PDE1C: variants seen among roughly 807,000 people sequenced by gnomAD.
The protein encoded by PDE1C is dual specificity calcium/calmodulin-dependent 3',5'-cyclic nucleotide phosphodiesterase 1C.
A neutral mutation model predicts 93.1 loss-of-function variants in PDE1C; 62 were observed. The ratio of observed to expected loss-of-function variants is 0.67; its 90% CI spans 0.54 to 0.82. The LOEUF (loss-of-function observed/expected upper bound fraction) is 0.82, where lower values mean the gene tolerates loss of function less well. PDE1C is among the 40% of genes least tolerant of loss of function. The pLI is 0.00. For synonymous variants in PDE1C, 325 were observed against 310.1 expected (o/e 1.05, Z -0.50); for missense variants, 742 against 884.6 (o/e 0.84, Z 2.04).
chr7:32,158,287 C>T (rs913266774), intron 3 of PDE1C, among the ~76,000 whole-genome samples: 5 of 152,094 alleles, frequency 3.3e-5, no homozygotes, highest in East Asian at 1.9e-4. Context: ...CCTCGTTGCC[C>T]GAGCCAGAGT....
chr7:31,655,275 G>C, the PDE1C span, among the ~76,000 whole-genome samples: 1 of 152,090 alleles, frequency 6.6e-6, no homozygotes, highest in African/African-American at 2.4e-5. Context: ...AGTGTGCATG[G>C]TCTCCTGCCC....
chr7:31,738,139 A>G, the PDE1C span, among the ~76,000 whole-genome samples: 2 of 152,182 alleles, frequency 1.3e-5, no homozygotes, highest in Admixed American at 6.5e-5. Context: ...CTAGCAGGCC[A>G]GTGCGAGACC....
chr7:31,836,698 C>G (rs559410730), intron 11 of PDE1C, among the ~76,000 whole-genome samples: 42 of 152,260 alleles, frequency 2.8e-4, no homozygotes, highest in Non-Finnish European at 5.6e-4. Context: ...TTAAATACAA[C>G]TGGAATGGCA....
intron 1 of PDE1C, among the ~76,000 whole-genome samples, chr7:32,211,579 A>AT: frequency 6.9e-6 from 1 of 145,284 alleles, no homozygotes; most frequent in East Asian, 2.0e-4. Flanking sequence ...TTATCTTATA[A>AT]TAAAAAAAAA....
intron 2 of PDE1C, among the ~76,000 whole-genome samples, chr7:32,037,268 G>T (rs957402728): frequency 6.6e-6 from 1 of 152,126 alleles, no homozygotes; most frequent in Non-Finnish European, 1.5e-5. Flanking sequence ...ATGTTCTCAA[G>T]TAGAGAAAGG....
At chr7:31,832,023 A>T (rs1583515057) in intron 11 of PDE1C, among the ~76,000 whole-genome samples, 1 of 152,106 alleles carries the variant, frequency 6.6e-6, no homozygotes, top group Non-Finnish European at 1.5e-5. Context: ...AGGGAAGAAA[A>T]CTAGAACTAT....
the PDE1C span, among the ~76,000 whole-genome samples, chr7:31,662,613 G>A: frequency 6.6e-6 from 1 of 152,186 alleles, no homozygotes; most frequent in Non-Finnish European, 1.5e-5. Flanking sequence ...AGACGTATGT[G>A]ACTGTGTTTG....
chr7:32,068,058 G>C (rs550745445), intron 1 of PDE1C, among the ~76,000 whole-genome samples: 27 of 152,322 alleles, frequency 1.8e-4, no homozygotes, highest in African/African-American at 6.5e-4. Flanking sequence ...CCTGAAGTGA[G>C]ATGTCTCTCA....
intron 1 of PDE1C, among the ~76,000 whole-genome samples, chr7:32,291,435 T>C: frequency 6.6e-6 from 1 of 152,346 alleles, no homozygotes; most frequent in East Asian, 1.9e-4. Flanking sequence ...CTGCAGGCAC[T>C]CAGAAACACT....
At chr7:32,292,889 G>A (rs1812422012) in intron 1 of PDE1C, among the ~76,000 whole-genome samples, 1 of 152,204 alleles carries the variant, frequency 6.6e-6, no homozygotes, top group Non-Finnish European at 1.5e-5. Flanking sequence ...GGCACACTGT[G>A]TGGCTCCGGA....
intron 2 of PDE1C, among the ~76,000 whole-genome samples, chr7:31,932,034 A>T (rs1804378940): frequency 6.6e-6 from 1 of 152,124 alleles, no homozygotes; most frequent in Admixed American, 6.5e-5. Flanking sequence ...CTGAAACTGG[A>T]CCCCTTCATT....
rs1306395803 is a variant in PDE1C at position 31,751,626 on chromosome 7, A to C, written c.*1758T>G. 6.6e-6 allele frequency: 1 copy of C among 152,236 alleles called. No individual in the cohort carries two copies. Among genetic ancestry groups the C allele is most frequent in the Non-Finnish European group, 1.5e-5 (1 of 68,048 alleles). The allele number at this position is 152,236 out of a possible 1,614,324, so 9.4% of individuals were successfully genotyped here. A position where few individuals can be genotyped will look rare whatever the true frequency, so the allele number is the denominator to read the frequency against. ...GGAACAGACACTACCAGCCTGCAGA[A>C]GGGCCTTCTAACCCAGACACCAGGC... is the stretch of plus-strand genomic sequence containing the variant. On this transcript the variant is annotated 3_prime_UTR_variant, in exon 18 of 18. Transcript: ENST00000396191.
chr7:32,387,676 G>T (rs1430362078), intron 1 of PDE1C, among the ~76,000 whole-genome samples: 1 of 143,588 alleles, frequency 7.0e-6, no homozygotes. Flanking sequence ...GCCGGGCGGG[G>T]GGCTGACCCC....
intron 1 of PDE1C, among the ~76,000 whole-genome samples, chr7:32,269,720 T>C (rs1810839371): frequency 6.6e-6 from 1 of 152,170 alleles, no homozygotes; most frequent in South Asian, 2.1e-4. Context: ...CCTCATGATC[T>C]GTCCGCCTCG....
intron 3 of PDE1C, among the ~76,000 whole-genome samples, chr7:32,166,839 GTGAGTTTAT>G (rs1802313116): frequency 6.6e-6 from 1 of 152,190 alleles, no homozygotes; most frequent in South Asian, 2.1e-4. Context: ...TGCTTTTTAT[GTGAGTTTAT>G]AGATGATATA....
In PDE1C at chr7:32,239,075, T is replaced by C. The variant is rs149252599; in HGVS notation, c.86-29536A>G. Among the ~76,000 whole-genome samples, 51 of 152,300 alleles carry C rather than the reference T, an allele frequency of 3.3e-4. 1 individual carries two copies. The highest frequency in any genetic ancestry group is 1.2e-3 in the African/African-American group (51 of 41,566). On this transcript the variant is annotated intron_variant, in intron 1 of 18. Transcript: ENST00000396193. ...TGAGGCCAGGGGTTTGAGACCAGCCTGAGCAATGTAGCAAAACCCTATCTT... is the reference window on the plus strand; with the variant it reads ...TGAGGCCAGGGGTTTGAGACCAGCCCGAGCAATGTAGCAAAACCCTATCTT...
At chr7:32,191,754 G>A (rs774559910) in intron 2 of PDE1C, among the ~76,000 whole-genome samples, 3 of 152,124 alleles carry the variant, frequency 2.0e-5, no homozygotes, top group Non-Finnish European at 2.9e-5. Flanking sequence ...ATTGCTGGTC[G>A]TATGGTAGTT....
intron 2 of PDE1C, among the ~76,000 whole-genome samples, chr7:31,928,199 T>C (rs923953558): frequency 6.6e-6 from 1 of 151,898 alleles, no homozygotes; most frequent in African/African-American, 2.4e-5. Context: ...AGAGATTGAA[T>C]ATCAACTTAA....
At chr7:32,316,564 T>C (rs1262669471) in intron 1 of PDE1C, among the ~76,000 whole-genome samples, 1 of 152,022 alleles carries the variant, frequency 6.6e-6, no homozygotes, top group Non-Finnish European at 1.5e-5. Context: ...GAGACTGAAG[T>C]TCTAAATAAT....
Sources: gnomAD v4.1 joint callset for allele counts (sites outside exome capture counted in the v4.1 genomes callset) on GRCh38, gnomAD v4.1.1 for gene constraint, MANE v1.5 for transcripts, NCBI Gene and HGNC (gene_info 2026-07-23, HGNC 2026-07-21) for gene names.